The following EPAS1 variants were observed in gnomAD, a reference collection of about 807,000 sequenced individuals.
EPAS1 encodes endothelial PAS domain protein 1, also known as endothelial PAS domain-containing protein 1.
EPAS1 carries 23 observed loss-of-function variants against 87.9 expected under a neutral mutation model. The observed-to-expected ratio is 0.26, with a 90% CI of 0.19 to 0.37. The LOEUF is 0.37. Ranked by LOEUF, EPAS1 falls within the 10% of genes least tolerant of loss-of-function variation. EPAS1 has a pLI of 1.00. For synonymous variants in EPAS1, 508 were observed against 444.3 expected (o/e 1.14, Z -1.80); for missense variants, 1,138 against 1,120.7 (o/e 1.02, Z -0.22).
chr2:46,298,344 T>C (rs961872353), intron 1 of EPAS1, among the ~76,000 whole-genome samples: 17 of 152,342 alleles, frequency 1.1e-4, no homozygotes, highest in East Asian at 9.7e-4. Context: ...CATCCACGTC[T>C]CTATTTTTCT....
At chr2:46,370,476 A>T (rs1466980744) in intron 7 of EPAS1, among the ~76,000 whole-genome samples, 1 of 152,192 alleles carries the variant, frequency 6.6e-6, no homozygotes, top group Non-Finnish European at 1.5e-5. Context: ...GAGGTAGGCC[A>T]CAGTTCTCAG....
chr2:46,314,226 G>T (rs1281021568), intron 1 of EPAS1, among the ~76,000 whole-genome samples: 1 of 152,176 alleles, frequency 6.6e-6, no homozygotes, highest in Non-Finnish European at 1.5e-5. Flanking sequence ...AGGCCATTGT[G>T]TGTTGGTGGC....
At chr2:46,339,706 G>A (rs774223965) in intron 1 of EPAS1, among the ~76,000 whole-genome samples, 5 of 152,220 alleles carry the variant, frequency 3.3e-5, no homozygotes, top group Non-Finnish European at 7.3e-5. Flanking sequence ...ACAAGATACC[G>A]TAAACTGAGT....
In EPAS1 at chr2:46,360,779, T is replaced by C. The variant is rs960509964; in HGVS notation, c.573+23T>C. Reference sequence around the variant, plus strand: ...AAGGTAGGGCAACATCAGGCCTGGGTTGGAGTCCCAGGTGTAGGGTAACGG... The same window carrying C: ...AAGGTAGGGCAACATCAGGCCTGGGCTGGAGTCCCAGGTGTAGGGTAACGG... On this transcript the variant is annotated intron_variant, in intron 5 of 15. Coordinates refer to ENST00000263734, the MANE Select transcript of EPAS1 (RefSeq NM_001430.5). This position sits in a 1 kb window ranked among gnomAD's most constrained non-coding sequence, Gnocchi z 4.5. 3.1e-6 allele frequency: 5 copies of C among 1,612,628 alleles called. No individual in the cohort carries two copies. Among genetic ancestry groups the C allele is most frequent in the Non-Finnish European group, 3.4e-6 (4 of 1,178,842 alleles).
chr2:46,306,864 G>A (rs115660256), intron 1 of EPAS1, among the ~76,000 whole-genome samples: 2,869 of 152,286 alleles, frequency 0.019, 48 homozygotes, highest in Admixed American at 0.032. Flanking sequence ...GACTGTGCAA[G>A]TTAGTACAGC....
rs1684028463 is a variant in EPAS1, at chr2:46,346,473, GA to G, written c.27-399del. Among the ~76,000 whole-genome samples, 1 of 152,168 alleles carries G rather than the reference GA, an allele frequency of 6.6e-6. No homozygotes were observed. The highest frequency in any genetic ancestry group is 1.5e-5 in the Non-Finnish European group (1 of 68,012). On this transcript the variant is annotated intron_variant, in intron 1 of 15. Transcript: ENST00000263734. This position sits in a 1 kb window ranked among gnomAD's most constrained non-coding sequence, Gnocchi z 4.0. ...TTTTATCTTGTTCTCCAGAGCCCTT[GA>G]CAAAGCCATCTGAGCCACTGATCAT...
At chr2:46,322,680 C>T (rs1201380614) in intron 1 of EPAS1, among the ~76,000 whole-genome samples, 1 of 152,158 alleles carries the variant, frequency 6.6e-6, no homozygotes, top group Non-Finnish European at 1.5e-5. Context: ...GTAGAGAGGC[C>T]AAATGACTTG....
chr2:46,335,657 G>A (rs1200924546), intron 1 of EPAS1: 1 of 152,046 alleles, frequency 6.6e-6, no homozygotes, highest in Non-Finnish European at 1.5e-5. Flanking sequence ...TGTGGTAGAG[G>A]AGGCAGTGGG....
intron 7 of EPAS1, among the ~76,000 whole-genome samples, chr2:46,374,451 A>G (rs1450245253): frequency 6.6e-6 from 1 of 152,228 alleles, no homozygotes; most frequent in African/African-American, 2.4e-5. Context: ...TATGTACCTG[A>G]TAAGCCATGT....
intron 1 of EPAS1, among the ~76,000 whole-genome samples, chr2:46,343,722 T>C (rs1400992011): frequency 6.6e-6 from 1 of 152,256 alleles, no homozygotes; most frequent in African/African-American, 2.4e-5. Context: ...TTCCTTTTTC[T>C]GGAAGCTAAG....
intron 2 of EPAS1, among the ~76,000 whole-genome samples, chr2:46,351,270 C>T (rs942530936): frequency 5.3e-5 from 8 of 152,218 alleles, no homozygotes. Flanking sequence ...CGTCAGTCAA[C>T]AGGTGTTTGC....
intron 7 of EPAS1, among the ~76,000 whole-genome samples, chr2:46,372,242 A>G (rs1292286604): frequency 6.6e-6 from 1 of 152,204 alleles, no homozygotes; most frequent in Non-Finnish European, 1.5e-5. Flanking sequence ...GCCAAGGGAA[A>G]TCTGCTTGGG....
chr2:46,367,333 G>T (rs756006201), intron 6 of EPAS1, among the ~76,000 whole-genome samples: 1 of 152,180 alleles, frequency 6.6e-6, no homozygotes, highest in East Asian at 1.9e-4. Flanking sequence ...CATTTTGGAG[G>T]GTCTCTAGAA....
At chr2:46,366,234 G>A (rs376122320) in intron 6 of EPAS1, among the ~76,000 whole-genome samples, 16 of 152,246 alleles carry the variant, frequency 1.1e-4, no homozygotes, top group African/African-American at 3.1e-4. Flanking sequence ...CAGCACTCAC[G>A]CTGTAGCCAA....
intron 7 of EPAS1, among the ~76,000 whole-genome samples, chr2:46,373,595 A>G (rs1366854578): frequency 1.3e-5 from 2 of 152,204 alleles, no homozygotes; most frequent in Non-Finnish European, 2.9e-5. Context: ...TATAGTGGCA[A>G]AAAGCAGAAG....
At chr2:46,316,708 G>C (rs545050135) in intron 1 of EPAS1, among the ~76,000 whole-genome samples, 6 of 152,324 alleles carry the variant, frequency 3.9e-5, no homozygotes, top group Non-Finnish European at 7.4e-5. Flanking sequence ...TGTGACGGTT[G>C]CTGAAGGTTG....
intron 1 of EPAS1, among the ~76,000 whole-genome samples, chr2:46,333,320 C>T (rs142084836): frequency 7.9e-5 from 12 of 152,252 alleles, no homozygotes; most frequent in East Asian, 5.8e-4. Context: ...AGAGGTTTGA[C>T]ATTTTGCCTG....
chr2:46,297,948 G>T lies in EPAS1; in HGVS notation c.26+11G>T. On this transcript the variant is annotated intron_variant, in intron 1 of 15. Coordinates refer to ENST00000263734, the MANE Select transcript of EPAS1 (RefSeq NM_001430.5). The stretch of plus-strand genomic sequence containing the variant: ...CAAGGAGAAGAAAAGGTAAGCGGGC[G>T]TCCGGGCCGATCAGGGGGCCGGTCC... 1.2e-6 allele frequency: 2 copies of T among 1,612,022 alleles called. No individual in the cohort carries two copies. The highest frequency in any genetic ancestry group is 1.7e-5 in the Admixed American group (1 of 59,894).
At position 46,342,714 on chromosome 2, in the gene EPAS1, C is replaced by T. The variant is rs1453891986; in HGVS notation, c.27-4159C>T. On this transcript the variant is annotated intron_variant, in intron 1 of 15. Transcript: ENST00000263734. The stretch of plus-strand genomic sequence containing the variant: ...GAGCAGATCATCCTTAGATTCATGA[C>T]CTAAGTAGCGATCCCTAAGCCATGC... Among the ~76,000 whole-genome samples the T allele has an allele frequency of 2.0e-5, 3 of 152,138 alleles. No homozygotes were observed. The East Asian group carries it at 5.8e-4, about 29-fold the overall frequency.
Sources: gnomAD v4.1 joint callset for allele counts (sites outside exome capture counted in the v4.1 genomes callset) on GRCh38, gnomAD v4.1.1 for gene constraint, Gnocchi (gnomAD v3.1) non-coding constraint, MANE v1.5 for transcripts, NCBI Gene and HGNC (gene_info 2026-07-23, HGNC 2026-07-21) for gene names.